DIP2C: variants seen among roughly 807,000 people sequenced by gnomAD.
DIP2C encodes DIP2 acetate--CoA ligase C (putative).
Under a neutral mutation model 192.4 loss-of-function variants are expected in DIP2C, and 33 were observed. The ratio of observed to expected loss-of-function variants is 0.17; its 90% CI spans 0.13 to 0.23. The LOEUF (loss-of-function observed/expected upper bound fraction) is 0.23, where lower values mean the gene tolerates loss of function less well. Ranked by LOEUF, DIP2C falls within the 10% of genes least tolerant of loss-of-function variation. The pLI is 1.00. For synonymous variants in DIP2C, 979 were observed against 864.1 expected (o/e 1.13, Z -2.33); for missense variants, 1,537 against 2,110.1 (o/e 0.73, Z 5.32).
At chr10:430,814 T>C (rs1184164474) in intron 4 of DIP2C, among the ~76,000 whole-genome samples, 3 of 152,264 alleles carry the variant, frequency 2.0e-5, no homozygotes, top group African/African-American at 7.2e-5. Flanking sequence ...ACATCTGTCA[T>C]CTATTTTGAC....
At chr10:382,561 T>G (rs746635066) in intron 17 of DIP2C, 86 bp downstream of exon 17, 11 of 1,041,662 alleles carry the variant, frequency 1.1e-5, no homozygotes, top group African/African-American at 1.6e-5. Flanking sequence ...ACCCTCAGCA[T>G]CAACTGTTAG....
At chr10:552,548 T>C (rs1848642841) in intron 1 of DIP2C, among the ~76,000 whole-genome samples, 1 of 152,228 alleles carries the variant, frequency 6.6e-6, no homozygotes, top group South Asian at 2.1e-4. Context: ...AAATGTAGCT[T>C]TCAAAAAGTG....
intron 1 of DIP2C, among the ~76,000 whole-genome samples, chr10:654,199 C>G (rs557665770): frequency 1.3e-5 from 2 of 152,302 alleles, no homozygotes; most frequent in South Asian, 2.1e-4. Context: ...TTGGTAGTGA[C>G]GCTTTCATTC....
At chr10:458,321 C>G (rs1158154345) in intron 3 of DIP2C, among the ~76,000 whole-genome samples, 1 of 152,236 alleles carries the variant, frequency 6.6e-6, no homozygotes, top group African/African-American at 2.4e-5. Flanking sequence ...ACAGGAACCT[C>G]ATCAAAATCA....
chr10:504,325 C>T (rs372919565), intron 1 of DIP2C, among the ~76,000 whole-genome samples: 2 of 152,226 alleles, frequency 1.3e-5, no homozygotes, highest in Non-Finnish European at 2.9e-5. Flanking sequence ...ACCCCCGAGA[C>T]GGCAAATCCA....
Position 689,369 on chromosome 10 carries a change from G to T in DIP2C, c.85+125C>A. ...GGTCCGGGGGACGCGCACGCTCCGG[G>T]CTGGGGTCGCACCTCCCCCTCCGGG... On this transcript the variant is annotated intron_variant, in intron 1 of 36. Transcript: ENST00000280886. The surrounding 1 kb of genome is among the most constrained non-coding windows in gnomAD (Gnocchi z 6.1). The T allele has an allele frequency of 2.3e-6, 1 of 431,816 alleles. No individual in the cohort carries two copies. The highest frequency in any genetic ancestry group is 3.1e-6 in the Non-Finnish European group (1 of 321,842). 26.7% of individuals were successfully genotyped at this position (431,816 alleles called of 1,614,324 possible). A position where few individuals can be genotyped will look rare whatever the true frequency, so the allele number is the denominator to read the frequency against.
In DIP2C at chr10:633,316, G is replaced by A. The variant is rs1356342830; in HGVS notation, c.85+56178C>T. Among the ~76,000 whole-genome samples the A allele has an allele frequency of 2.0e-5, 3 of 152,350 alleles. No homozygotes were observed. The East Asian group carries it at 5.8e-4, about 29-fold the overall frequency. The stretch of plus-strand genomic sequence containing the variant: ...CCCAAGAGCCTGGGCACTGAGCAGA[G>A]AGAGAAAACGTCCAGGGCAACAGCG... On this transcript the variant is annotated intron_variant, in intron 1 of 36. Transcript: ENST00000280886.
intron 1 of DIP2C, among the ~76,000 whole-genome samples, chr10:678,886 A>C (rs976170593): frequency 0.013 from 15 of 1,144 alleles, 2 homozygotes; most frequent in Non-Finnish European, 0.063. Flanking sequence ...CCCCGCACCC[A>C]TCCTCCCCCC....
chr10:591,948 C>CT (rs1402981829), intron 1 of DIP2C, among the ~76,000 whole-genome samples: 2 of 152,196 alleles, frequency 1.3e-5, no homozygotes, highest in Admixed American at 6.5e-5. Context: ...TGCTTTACAT[C>CT]TTGTCTCTGA....
intron 29 of DIP2C, among the ~76,000 whole-genome samples, chr10:338,576 G>A (rs1409853404): frequency 1.3e-5 from 2 of 152,194 alleles, no homozygotes; most frequent in Admixed American, 1.3e-4. Flanking sequence ...CGGACTGGGT[G>A]TGTCAGGCTG....
At chr10:510,863 G>A (rs1281275453) in intron 1 of DIP2C, among the ~76,000 whole-genome samples, 1 of 152,232 alleles carries the variant, frequency 6.6e-6, no homozygotes, top group Non-Finnish European at 1.5e-5. Flanking sequence ...ATATCTGCAT[G>A]CTGGCTGCTC....
At chr10:394,554 CAA>C (rs1963805941) in intron 10 of DIP2C, among the ~76,000 whole-genome samples, 1 of 93,982 alleles carries the variant, frequency 1.1e-5, no homozygotes, top group African/African-American at 3.9e-5. Flanking sequence ...TGTGCTGAAC[CAA>C]AGGACATTAC....
chr10:462,579 A>T (rs1212669405), intron 3 of DIP2C, among the ~76,000 whole-genome samples: 1 of 152,192 alleles, frequency 6.6e-6, no homozygotes, highest in Non-Finnish European at 1.5e-5. Context: ...ATTCACAGCC[A>T]ACTCTTACCA....
rs1397365623 is a variant in DIP2C, at chr10:414,730, TGTGTGTGTGTAC to T, written c.860-632_860-621del. On this transcript the variant is annotated intron_variant, in intron 7 of 36. Coordinates refer to ENST00000280886, the MANE Select transcript of DIP2C (RefSeq NM_014974.3). ...GTATGTGTGTGTGTGTGTGTGTGTG[TGTGTGTGTGTAC>T]ATATATATATATATAATGTGTATAT... is the stretch of plus-strand genomic sequence containing the variant. 6.8e-3 allele frequency among the ~76,000 whole-genome samples: 578 copies of T among 85,080 alleles called. 25 individuals are homozygous for T. Among genetic ancestry groups the T allele is most frequent in the Non-Finnish European group, 9.2e-3 (405 of 44,250 alleles). 55.8% of individuals were successfully genotyped at this position (85,080 alleles called of 152,430 possible). A position where few individuals can be genotyped will look rare whatever the true frequency, so the allele number is the denominator to read the frequency against.
intron 1 of DIP2C, 45 bp from the exon 2 acceptor site, chr10:486,575 G>C (rs763043597): frequency 7.9e-6 from 12 of 1,515,106 alleles, no homozygotes; most frequent in African/African-American, 1.4e-5. Context: ...TCCGTGGATA[G>C]AGCATTATCA....
At chr10:289,257 C>T (rs1323602516) in intron 32 of DIP2C, among the ~76,000 whole-genome samples, 2 of 133,500 alleles carry the variant, frequency 1.5e-5, no homozygotes, top group African/African-American at 5.6e-5. Flanking sequence ...CCCTTCCTAC[C>T]ATCCCCCAGT....
chr10:297,678 G>A lies in DIP2C; in HGVS notation c.3987-9257C>T, dbSNP rs191025023. The stretch of plus-strand genomic sequence containing the variant: ...TGCATACTGGAGGCTGGGAAGGGAG[G>A]GATGGGGAGAGATTTGTTAAAGGAA... On this transcript the variant is annotated intron_variant, in intron 32 of 36. Transcript: ENST00000280886. Among the ~76,000 whole-genome samples the A allele has an allele frequency of 2.0e-3, 300 of 152,276 alleles. 1 individual carries two copies. The highest frequency in any genetic ancestry group is 2.9e-3 in the Non-Finnish European group (198 of 68,020).
intron 4 of DIP2C, 140 bp downstream of exon 4, chr10:440,731 A>AC: frequency 8.0e-7 from 1 of 1,246,474 alleles, no homozygotes; most frequent in Non-Finnish European, 1.1e-6. Flanking sequence ...CTCATACAAC[A>AC]CTGTTTTTGG....
At chr10:383,626 A>G (rs1462314696) in intron 16 of DIP2C, among the ~76,000 whole-genome samples, 1 of 152,198 alleles carries the variant, frequency 6.6e-6, no homozygotes, top group African/African-American at 2.4e-5. Flanking sequence ...GCAGTCAAGT[A>G]TTTCTTGAAT....
Sources: gnomAD v4.1 joint callset for allele counts (sites outside exome capture counted in the v4.1 genomes callset) on GRCh38, gnomAD v4.1.1 for gene constraint, Gnocchi (gnomAD v3.1) non-coding constraint, MANE v1.5 for transcripts, NCBI Gene and HGNC (gene_info 2026-07-23, HGNC 2026-07-21) for gene names.